Variants in TIMM23B observed in about 807,000 individuals in gnomAD.
TIMM23B encodes translocase of inner mitochondrial membrane 23 homolog B.
TIMM23B carries 27 observed loss-of-function variants against 27.3 expected under a neutral mutation model. The ratio of observed to expected loss-of-function variants is 0.99; its 90% CI spans 0.73 to 1.36. The LOEUF is 1.36. Among genes scored for constraint, TIMM23B ranks in the 40% most tolerant of loss-of-function variants. The pLI, the probability that TIMM23B is intolerant of heterozygous loss-of-function variation, is 0.00. For missense variants in TIMM23B, 205 were observed against 244.2 expected (o/e 0.84, Z 1.07); for synonymous variants, 73 against 92.4 (o/e 0.79, Z 1.21).
chr10:49,958,450 A>T lies in TIMM23B; in HGVS notation c.484A>T (p.Thr162Ser), dbSNP rs1839794006. ...EDDLNTVAAG[T>S]MTGMLYKCTV... is the part of the protein sequence containing the mutation. The stretch of plus-strand genomic sequence containing the variant: ...TGACCTTAACACAGTAGCAGCTGGA[A>T]CCATGACAGGCATGTTGTATAAATG... Residue 162 changes from threonine to serine, a missense_variant, in exon 6 of 7, where the codon ACC becomes TCC. Coordinates refer to ENST00000651259, the MANE Select transcript of TIMM23B (RefSeq NM_001290117.2). 2 of 1,613,668 alleles carry T rather than the reference A, an allele frequency of 1.2e-6. No homozygotes were observed. Among genetic ancestry groups the T allele is most frequent in the East Asian group, 4.5e-5 (2 of 44,866 alleles).
intron 2 of TIMM23B, among the ~76,000 whole-genome samples, chr10:49,947,794 G>A (rs1339770412): frequency 1.3e-5 from 2 of 152,022 alleles, no homozygotes; most frequent in East Asian, 3.9e-4. Flanking sequence ...GCGGGGTGTG[G>A]TGGTATGCAC....
intron 1 of TIMM23B, among the ~76,000 whole-genome samples, chr10:49,944,555 A>G (rs1400323615): frequency 6.6e-6 from 1 of 152,018 alleles, no homozygotes; most frequent in Non-Finnish European, 1.5e-5. Context: ...ACAGTAAATC[A>G]ATCGTTAATA....
chr10:49,971,783 C>G lies in TIMM23B; in HGVS notation c.515-1229C>G, dbSNP rs1198555937. On this transcript the variant is annotated intron_variant, in intron 6 of 6. Coordinates refer to ENST00000651259, the MANE Select transcript of TIMM23B (RefSeq NM_001290117.2). The stretch of plus-strand genomic sequence containing the variant: ...GCTCCTTAAGAAAACCTCAGTTTAC[C>G]TTCCCTATTTTTTACCATTTGTAAA... Among the ~76,000 whole-genome samples, 5 of 152,204 alleles carry G rather than the reference C, an allele frequency of 3.3e-5. No individual in the cohort carries two copies. The South Asian group carries it at 8.3e-4, about 25-fold the overall frequency.
chr10:49,966,633 C>T (rs1840173628), intron 6 of TIMM23B, among the ~76,000 whole-genome samples: 1 of 152,008 alleles, frequency 6.6e-6, no homozygotes, highest in African/African-American at 2.4e-5. Flanking sequence ...CAAGACCAGC[C>T]TGGCCAACAT....
chr10:49,947,116 GT>G (rs1368960132), intron 2 of TIMM23B, among the ~76,000 whole-genome samples: 11 of 152,156 alleles, frequency 7.2e-5, no homozygotes, highest in Admixed American at 6.5e-4. Flanking sequence ...TATGCAAAAT[GT>G]TACCACCAAA....
intron 6 of TIMM23B, among the ~76,000 whole-genome samples, chr10:49,960,902 G>A (rs1839874420): frequency 6.6e-6 from 1 of 151,682 alleles, no homozygotes; most frequent in African/African-American, 2.4e-5. Flanking sequence ...AAGGTAAGAA[G>A]CTTAAAATTA....
chr10:49,945,180 C>G, intron 2 of TIMM23B, 90 bp downstream of exon 2: 1 of 1,337,358 alleles, frequency 7.5e-7, no homozygotes, highest in Non-Finnish European at 1.1e-6. Flanking sequence ...ATGACATACA[C>G]TTCTGGAGGC....
chr10:49,954,557 T>C (rs1839649848), intron 4 of TIMM23B: 1 of 162,712 alleles, frequency 6.1e-6, no homozygotes, highest in Non-Finnish European at 1.3e-5. Context: ...TCTAAGCATA[T>C]GTTCCCCTCC....
Position 49,973,170 on chromosome 10 carries a change from C to A in TIMM23B, c.*106C>A. On this transcript the variant is annotated 3_prime_UTR_variant, in exon 7 of 7. Coordinates refer to ENST00000651259, the MANE Select transcript of TIMM23B (RefSeq NM_001290117.2). The stretch of plus-strand genomic sequence containing the variant: ...AAGTGTACCTCTGACATTTTAACCA[C>A]CTCTGACTTTTCCATGGAATGGACA... The A allele has an allele frequency of 1.5e-6, 1 of 645,812 alleles. No individual in the cohort carries two copies. The highest frequency in any genetic ancestry group is 2.7e-6 in the Non-Finnish European group (1 of 371,938). The allele number at this position is 645,812 out of a possible 1,614,324, so 40.0% of individuals were successfully genotyped here. A position where few individuals can be genotyped will look rare whatever the true frequency, so the allele number is the denominator to read the frequency against.
intron 5 of TIMM23B, among the ~76,000 whole-genome samples, chr10:49,956,426 CGTGT>C (rs1173703740): frequency 0.061 from 6,942 of 113,854 alleles, 452 homozygotes; most frequent in African/African-American, 0.14. Context: ...ACTAGAAATA[CGTGT>C]GTGTGTGTGT....
chr10:49,943,495 C>T lies in TIMM23B; in HGVS notation c.106+1195C>T, dbSNP rs1307323109. 4.2e-4 allele frequency: 64 copies of T among 152,028 alleles called. 4 individuals carry two copies. The highest frequency in any genetic ancestry group is 2.4e-5 in the African/African-American group (1 of 41,406). 9.4% of individuals were successfully genotyped at this position (152,028 alleles called of 1,614,324 possible). A position where few individuals can be genotyped will look rare whatever the true frequency, so the allele number is the denominator to read the frequency against. Reference sequence around the variant, plus strand: ...CCTCCTGTCTCGGCCTCCCAAAATGCTGGGATTCCTAGGCCTGAGCTACTA... The same window carrying T: ...CCTCCTGTCTCGGCCTCCCAAAATGTTGGGATTCCTAGGCCTGAGCTACTA... On this transcript the variant is annotated intron_variant, in intron 1 of 6. Coordinates refer to ENST00000651259, the MANE Select transcript of TIMM23B (RefSeq NM_001290117.2).
At chr10:49,964,218 G>C (rs1240818038) in intron 6 of TIMM23B, among the ~76,000 whole-genome samples, 1 of 146,400 alleles carries the variant, frequency 6.8e-6, no homozygotes, top group Non-Finnish European at 1.5e-5. Context: ...ATGAAGAAAT[G>C]AAATAAATGA....
intron 6 of TIMM23B, among the ~76,000 whole-genome samples, chr10:49,965,700 GATGAA>G (rs1256162442): frequency 3.5e-4 from 50 of 142,556 alleles, no homozygotes; most frequent in African/African-American, 1.1e-3. Flanking sequence ...GAAATGAAAT[GATGAA>G]ATGAAATACG....
At chr10:49,956,036 C>G (rs1395607552) in intron 5 of TIMM23B, among the ~76,000 whole-genome samples, 3 of 149,006 alleles carry the variant, frequency 2.0e-5, no homozygotes, top group Admixed American at 6.7e-5. Flanking sequence ...AATCTCCACC[C>G]CCCGCCCACC....
At position 49,945,982 on chromosome 10, in the gene TIMM23B, G is replaced by T. The variant is rs1355055166; in HGVS notation, c.165+892G>T. On this transcript the variant is annotated intron_variant, in intron 2 of 6. Coordinates refer to ENST00000651259, the MANE Select transcript of TIMM23B (RefSeq NM_001290117.2). ...AGGTGGGCAGATCACTTGAGGCCAG[G>T]AGTTTGAGACCAGCCTGGCCAACAT... 2.0e-5 allele frequency among the ~76,000 whole-genome samples: 3 copies of T among 152,354 alleles called. No homozygotes were observed. The East Asian group carries it at 5.8e-4, about 29-fold the overall frequency.
rs1399730555 is a variant in TIMM23B at position 49,974,458 on chromosome 10, C to G, written c.*1394C>G. ...TACAGTAGAAAGGGTAAATGCAGCC[C>G]TCACAGCAGCCTGTTGTTCGTCCTG... On this transcript the variant is annotated 3_prime_UTR_variant, in exon 7 of 7. Transcript: ENST00000651259. The G allele has an allele frequency of 1.3e-5, 2 of 148,892 alleles. No homozygotes were observed. The highest frequency in any genetic ancestry group is 5.0e-5 in the African/African-American group (2 of 40,234). 9.2% of individuals were successfully genotyped at this position (148,892 alleles called of 1,614,324 possible).
chr10:49,958,484 A>G lies in TIMM23B; in HGVS notation c.514+4A>G. On this transcript the variant is annotated splice_donor_region_variant and intron_variant, in intron 6 of 6. Transcript: ENST00000651259. ...GGCATGTTGTATAAATGTACAGGTGAGTACTGTTGAATGGGGAGCCATCTC... is the reference window on the plus strand; with the variant it reads ...GGCATGTTGTATAAATGTACAGGTGGGTACTGTTGAATGGGGAGCCATCTC... The G allele has an allele frequency of 1.2e-6, 2 of 1,609,644 alleles. No homozygotes were observed. Among genetic ancestry groups the G allele is most frequent in the South Asian group, 2.2e-5 (2 of 90,854 alleles).
At chr10:49,945,207 C>G in intron 2 of TIMM23B, 117 bp downstream of exon 2, 2 of 913,556 alleles carry the variant, frequency 2.2e-6, no homozygotes, top group South Asian at 3.0e-5. Flanking sequence ...TCTCTGGTCT[C>G]CATTCACCCT....
intron 6 of TIMM23B, among the ~76,000 whole-genome samples, chr10:49,963,204 G>A (rs1396652640): frequency 2.4e-4 from 36 of 152,360 alleles, no homozygotes; most frequent in African/African-American, 8.7e-4. Context: ...ATGAAATGAC[G>A]TGACATGACA....
Sources: allele counts gnomAD v4.1 joint callset (sites outside exome capture counted in the v4.1 genomes callset), GRCh38; gene constraint gnomAD v4.1.1; transcripts MANE v1.5; gene names NCBI Gene and HGNC (gene_info 2026-07-23, HGNC 2026-07-21).